The following SNX4 variants were observed in gnomAD, a reference collection of about 807,000 sequenced individuals.
The protein encoded by SNX4 is sorting nexin-4.
SNX4 carries 49 observed loss-of-function variants against 70.8 expected under a neutral mutation model. The ratio of observed to expected loss-of-function variants is 0.69; its 90% confidence interval spans 0.55 to 0.88. SNX4 has a LOEUF of 0.88. SNX4 is among the 40% of genes least tolerant of loss of function. The pLI, the probability that SNX4 is intolerant of heterozygous loss-of-function variation, is 0.00. For synonymous variants in SNX4, 206 were observed against 183.8 expected, an observed-to-expected ratio of 1.12 and a Z score of -0.98; for missense variants, 528 against 544.8, an observed-to-expected ratio of 0.97 and a Z score of 0.31.
chr3:125,516,125 G>T (rs1935273443), intron 1 of SNX4, among the ~76,000 whole-genome samples: 1 of 152,044 alleles, frequency 6.6e-6, no homozygotes, highest in African/African-American at 2.4e-5. Flanking sequence ...GCATTCCCAG[G>T]TCTAGAGCAC....
chr3:125,457,022 G>A (rs1048879115), intron 11 of SNX4, among the ~76,000 whole-genome samples: 21 of 151,698 alleles, frequency 1.4e-4, no homozygotes, highest in Admixed American at 1.4e-3. Flanking sequence ...GAGAAATGTT[G>A]GCAAAATTTC....
chr3:125,514,531 A>G (rs1208609265), intron 1 of SNX4, among the ~76,000 whole-genome samples: 1 of 151,790 alleles, frequency 6.6e-6, no homozygotes, highest in Non-Finnish European at 1.5e-5. Flanking sequence ...AGCTAGGATT[A>G]CAGGCATGTG....
At chr3:125,473,729 C>T in intron 8 of SNX4, among the ~76,000 whole-genome samples, 1 of 152,126 alleles carries the variant, frequency 6.6e-6, no homozygotes, top group Non-Finnish European at 1.5e-5. Flanking sequence ...TTCAATTTCT[C>T]TACAGTATAA....
chr3:125,497,714 T>A (rs1934827784), intron 4 of SNX4, 120 bp downstream of exon 4: 1 of 703,098 alleles, frequency 1.4e-6, no homozygotes, highest in Non-Finnish European at 2.2e-6. Flanking sequence ...TAGAAATTCA[T>A]AACAAAAAAT....
At position 125,451,544 on chromosome 3, in the gene SNX4, T is replaced by A. The variant is rs1228342508; in HGVS notation, c.1191-125A>T. ...GTAGAAGGAAGAGTTATTGCTTGTATAAGACAGTTTTTTTATTTTCCTAAA... is the reference window on the plus strand; with the variant it reads ...GTAGAAGGAAGAGTTATTGCTTGTAAAAGACAGTTTTTTTATTTTCCTAAA... On this transcript the variant is annotated intron_variant, in intron 12 of 13. Transcript: ENST00000251775. The A allele has an allele frequency of 1.5e-5, 9 of 611,490 alleles. No individual in the cohort carries two copies. The East Asian group carries it at 2.5e-4, about 17-fold the overall frequency. The allele number at this position is 611,490 out of a possible 1,614,324, so 37.9% of individuals were successfully genotyped here. A position where few individuals can be genotyped will look rare whatever the true frequency, so the allele number is the denominator to read the frequency against.
chr3:125,480,869 T>A (rs1317974082), intron 6 of SNX4, among the ~76,000 whole-genome samples: 2 of 152,134 alleles, frequency 1.3e-5, no homozygotes, highest in Non-Finnish European at 2.9e-5. Flanking sequence ...ATCTACATCA[T>A]TTTTTCCCTC....
At chr3:125,459,726 C>A (rs1933826935) in intron 10 of SNX4, among the ~76,000 whole-genome samples, 1 of 152,054 alleles carries the variant, frequency 6.6e-6, no homozygotes, top group Admixed American at 6.6e-5. Context: ...GCAGGAGCCA[C>A]CTCACCTAGC....
chr3:125,470,438 G>A (rs1013295499), intron 8 of SNX4, among the ~76,000 whole-genome samples: 1 of 149,716 alleles, frequency 6.7e-6, no homozygotes, highest in Admixed American at 6.7e-5. Context: ...AAATAAAATA[G>A]TATTATACTC....
At position 125,511,372 on chromosome 3, in the gene SNX4, A is replaced by AT. The variant is rs1007489212; in HGVS notation, c.142-6629dup. On this transcript the variant is annotated intron_variant, in intron 1 of 13. Coordinates refer to ENST00000251775, the MANE Select transcript of SNX4 (RefSeq NM_003794.4). ...GGCAAGATTATCAGCAGTTAGCATAATTTTTTTTTTTTAACAATCAGGAGT... is the reference window on the plus strand; with the variant it reads ...GGCAAGATTATCAGCAGTTAGCATAATTTTTTTTTTTTTAACAATCAGGAGT... 1.2e-3 allele frequency among the ~76,000 whole-genome samples: 171 copies of AT among 148,634 alleles called. 1 individual carries two copies. The highest frequency in any genetic ancestry group is 3.0e-3 in the Admixed American group (45 of 14,910).
At chr3:125,471,511 G>T (rs1050915378) in intron 8 of SNX4, among the ~76,000 whole-genome samples, 7 of 152,106 alleles carry the variant, frequency 4.6e-5, no homozygotes, top group Non-Finnish European at 5.9e-5. Context: ...TGAAAGAAAT[G>T]TGTCTATTTT....
chr3:125,460,004 C>G (rs920795990), intron 10 of SNX4, among the ~76,000 whole-genome samples: 1 of 151,744 alleles, frequency 6.6e-6, no homozygotes, highest in Non-Finnish European at 1.5e-5. Context: ...ACCAGCCTGG[C>G]CAACAACGGT....
chr3:125,502,475 C>T (rs1035599694), intron 2 of SNX4, among the ~76,000 whole-genome samples: 1 of 151,952 alleles, frequency 6.6e-6, no homozygotes, highest in Admixed American at 6.6e-5. Context: ...GGCAGAAACA[C>T]AGACCTGGAA....
rs531582392 is a variant in SNX4 at position 125,520,155 on chromosome 3, C to G, written c.18G>C (p.Pro6=). ...CCGGCTGGAGCTGCCGCTCGGGGTC[C>G]GGAGGTGCCTGCTCCATGGCTGCAG... The part of the protein sequence containing the change: MEQAP[P]DPERQLQPAP... The change falls in exon 1 of 14, where the codon CCG becomes CCC. Residue 6 remains proline (P), a synonymous_variant. Transcript: ENST00000251775. 221 of 1,288,752 alleles carry G rather than the reference C, an allele frequency of 1.7e-4. No homozygotes were observed. Among genetic ancestry groups the G allele is most frequent in the Non-Finnish European group, 2.0e-4 (207 of 1,011,734 alleles). 79.8% of individuals were successfully genotyped at this position (1,288,752 alleles called of 1,614,324 possible).
intron 2 of SNX4, among the ~76,000 whole-genome samples, chr3:125,504,143 C>G (rs1934989704): frequency 6.6e-6 from 1 of 152,016 alleles, no homozygotes. Flanking sequence ...CCAGCCTGAC[C>G]AACACGGTGA....
intron 6 of SNX4, among the ~76,000 whole-genome samples, chr3:125,482,171 C>T (rs1277536038): frequency 3.3e-5 from 5 of 152,212 alleles, no homozygotes; most frequent in South Asian, 2.1e-4. Flanking sequence ...CAAAGCTTCA[C>T]GATTATGATC....
chr3:125,506,564 G>A (rs1347271680), intron 1 of SNX4, among the ~76,000 whole-genome samples: 1 of 148,632 alleles, frequency 6.7e-6, no homozygotes, highest in African/African-American at 2.5e-5. Context: ...GGAGTGCAGT[G>A]GCACGATCTC....
intron 5 of SNX4, 83 bp from the exon 6 acceptor site, chr3:125,489,546 A>T: frequency 9.6e-7 from 1 of 1,042,692 alleles, no homozygotes; most frequent in East Asian, 2.4e-5. Flanking sequence ...TTTAGAATTA[A>T]GATGCTCAAG....
chr3:125,502,431 G>A (rs1045124313), intron 2 of SNX4, among the ~76,000 whole-genome samples: 6 of 150,940 alleles, frequency 4.0e-5, no homozygotes, highest in Non-Finnish European at 7.4e-5. Flanking sequence ...ATTGTCTGTA[G>A]ACAATCTTCA....
chr3:125,516,640 A>G (rs781731727), intron 1 of SNX4, among the ~76,000 whole-genome samples: 6 of 152,200 alleles, frequency 3.9e-5, no homozygotes, highest in Non-Finnish European at 7.4e-5. Flanking sequence ...CAGGAGTCCG[A>G]GACCAGCCTG....
Sources: gnomAD v4.1 joint callset for allele counts (sites outside exome capture counted in the v4.1 genomes callset) on GRCh38, gnomAD v4.1.1 for gene constraint, MANE v1.5 for transcripts, NCBI Gene and HGNC (gene_info 2026-07-23, HGNC 2026-07-21) for gene names.